CC2D1B: variants seen among roughly 807,000 people sequenced by gnomAD.
The protein encoded by CC2D1B is coiled-coil and C2 domain containing 1B.
In CC2D1B, 92 loss-of-function variants were observed where a neutral mutation model predicts 110.8. That is an observed-to-expected ratio of 0.83 (90% CI 0.70 to 0.99). The LOEUF (loss-of-function observed/expected upper bound fraction) is 0.99, where lower values mean the gene tolerates loss of function less well. Ranked by LOEUF, CC2D1B falls within the 50% of genes least tolerant of loss-of-function variation. CC2D1B has a pLI of 0.00. For synonymous variants in CC2D1B, 406 were observed against 429.2 expected (o/e 0.95, Z 0.67); for missense variants, 1,136 against 1,089.0 (o/e 1.04, Z -0.61).
intron 20 of CC2D1B, 24 bp downstream of exon 20, chr1:52,355,584 A>G: frequency 6.2e-7 from 1 of 1,613,892 alleles, no homozygotes; most frequent in Non-Finnish European, 8.5e-7. Context: ...GTTTCAGAGG[A>G]TCCTACTTCT....
chr1:52,354,450 T>C (rs773817214), intron 23 of CC2D1B, 158 bp downstream of exon 23: 20 of 749,640 alleles, frequency 2.7e-5, no homozygotes, highest in South Asian at 1.3e-4. Flanking sequence ...TCTGAACCTC[T>C]CCATCTGTGA....
intron 13 of CC2D1B, 102 bp downstream of exon 13, chr1:52,358,229 A>G: frequency 4.7e-6 from 7 of 1,476,140 alleles, no homozygotes; most frequent in Non-Finnish European, 6.4e-6. Context: ...GGAGGAAAGA[A>G]TATGTACCTT....
intron 10 of CC2D1B, 44 bp from the exon 11 acceptor site, chr1:52,359,201 C>T (rs375492010): frequency 7.5e-6 from 12 of 1,610,274 alleles, no homozygotes; most frequent in Middle Eastern, 1.6e-4. Flanking sequence ...TCAGCCTGCC[C>T]TCCAATGCCT....
rs769012646 is a variant in CC2D1B at position 52,353,624 on chromosome 1, G to A, written c.2454C>T (p.Thr818=). 27 of 1,607,482 alleles carry A rather than the reference G, an allele frequency of 1.7e-5. No homozygotes were observed. Among genetic ancestry groups the A allele is most frequent in the Middle Eastern group, 3.3e-4 (2 of 6,072 alleles). The change falls in exon 24 of 25, where the codon ACC becomes ACT. Residue 818 remains threonine, a synonymous_variant. Coordinates refer to ENST00000284376, the MANE Select transcript of CC2D1B (RefSeq NM_001330585.2). ...IVEVLDGRKP[T]GGKLEVKVRL... is the part of the protein sequence containing the mutation. ...TCACCTTCACCTCCAGCTTCCCCCC[G>A]GTGGGCTTCCTTCCATCCAGGACCT... is the stretch of plus-strand genomic sequence containing the variant.
rs752336087 is a variant in CC2D1B, at chr1:52,353,355, T to TTCTAC, written c.*2-137_*2-133dup. On this transcript the variant is annotated intron_variant, in intron 24 of 24. Transcript: ENST00000284376. The stretch of plus-strand genomic sequence containing the variant: ...TTGGAAGGTTACCTTCTCTTCCCAG[T>TTCTAC]TCTACTGAGGAACATCAGAAACTCA... 3.9e-4 allele frequency: 582 copies of TTCTAC among 1,502,262 alleles called. 1 individual carries two copies. The highest frequency in any genetic ancestry group is 4.3e-4 in the Non-Finnish European group (482 of 1,127,684). 93.1% of individuals were successfully genotyped at this position (1,502,262 alleles called of 1,614,324 possible).
rs1293175975 is a variant in CC2D1B, at chr1:52,353,184, AC to A, written c.*40del. 5.7e-5 allele frequency: 76 copies of A among 1,326,732 alleles called. No homozygotes were observed. Among genetic ancestry groups the A allele is most frequent in the Non-Finnish European group, 7.3e-5 (73 of 1,004,258 alleles). 82.2% of individuals were successfully genotyped at this position (1,326,732 alleles called of 1,614,324 possible). A position where few individuals can be genotyped will look rare whatever the true frequency, so the allele number is the denominator to read the frequency against. On this transcript the variant is annotated 3_prime_UTR_variant, in exon 25 of 25. Coordinates refer to ENST00000284376, the MANE Select transcript of CC2D1B (RefSeq NM_001330585.2). Reference sequence around the variant, plus strand: ...CAAAGCTGGGAAAGTCATCTCCTGCACAGTCGCGGCCTGACTCCTCTCCTGG... The same window carrying A: ...CAAAGCTGGGAAAGTCATCTCCTGCAAGTCGCGGCCTGACTCCTCTCCTGG...
rs891906139 is a variant in CC2D1B at position 52,352,480 on chromosome 1, A to G, written c.*745T>C. ...TGGTGGATACTCTGTATAGTTGAGTATAAAATCCCTACAATGAGTTAGACT... is the reference window on the plus strand; with the variant it reads ...TGGTGGATACTCTGTATAGTTGAGTGTAAAATCCCTACAATGAGTTAGACT... On this transcript the variant is annotated 3_prime_UTR_variant, in exon 25 of 25. Transcript: ENST00000284376. 2 of 152,656 alleles carry G rather than the reference A, an allele frequency of 1.3e-5. No homozygotes were observed. Among genetic ancestry groups the G allele is most frequent in the African/African-American group, 4.8e-5 (2 of 41,462 alleles). 9.5% of individuals were successfully genotyped at this position (152,656 alleles called of 1,614,324 possible).
chr1:52,360,811 G>A (rs1039638668), intron 5 of CC2D1B, 163 bp downstream of exon 5: 7 of 980,526 alleles, frequency 7.1e-6, no homozygotes, highest in Non-Finnish European at 1.1e-5. Flanking sequence ...GAGGCTGGCT[G>A]CCACGGAGGA....
At chr1:52,356,891 T>C in intron 16 of CC2D1B, 110 bp downstream of exon 16, 1 of 1,284,008 alleles carries the variant, frequency 7.8e-7, no homozygotes, top group Non-Finnish European at 1.1e-6. Context: ...AGTGAGTAAG[T>C]GGAAGAGCTG....
At chr1:52,358,042 G>T in intron 13 of CC2D1B, 144 bp from the exon 14 acceptor site, 1 of 1,265,704 alleles carries the variant, frequency 7.9e-7, no homozygotes, top group Non-Finnish European at 1.1e-6. Flanking sequence ...GGTCCTAAAA[G>T]ATCTGAGAGC....
intron 15 of CC2D1B, 133 bp from the exon 16 acceptor site, chr1:52,357,259 C>T: frequency 9.1e-7 from 1 of 1,095,584 alleles, no homozygotes; most frequent in Non-Finnish European, 1.3e-6. Flanking sequence ...TCATCGCCTC[C>T]CATTCTATCC....
Position 52,361,091 on chromosome 1 carries a change from C to G in CC2D1B, c.360G>C (p.Glu120Asp), listed in dbSNP as rs1432430659. The G allele has an allele frequency of 6.2e-7, 1 of 1,614,084 alleles. No individual in the cohort carries two copies. The highest frequency in any genetic ancestry group is 1.7e-5 in the Admixed American group (1 of 60,014). Reference sequence around the variant, plus strand: ...CAGCTACCTCATCACCATCCAGGGGCTCAGTCTCCTCGTCCACACCTAAGA... The same window carrying G: ...CAGCTACCTCATCACCATCCAGGGGGTCAGTCTCCTCGTCCACACCTAAGA... ...QEVLGVDEET[E>D]PLDGDEVADP... The change falls in exon 5 of 25, where the codon GAG becomes GAC. Residue 120 changes from glutamate to aspartate, a missense_variant. Physicochemically the swap from Glu to Asp is conservative, Grantham distance 45 (BLOSUM62 2). Coordinates refer to ENST00000284376, the MANE Select transcript of CC2D1B (RefSeq NM_001330585.2).
chr1:52,355,064 C>CA, intron 21 of CC2D1B, 125 bp from the exon 22 acceptor site: 1 of 774,806 alleles, frequency 1.3e-6, no homozygotes, highest in Non-Finnish European at 2.2e-6. Flanking sequence ...GTACTGCCTC[C>CA]AAAGGGTGGT....
chr1:52,357,534 G>T lies in CC2D1B; in HGVS notation c.1744C>A (p.Leu582Met), dbSNP rs113674235. Residue 582 changes from leucine (L) to methionine (M), a missense_variant, in exon 15 of 25, where the codon CTG (leucine) becomes ATG (methionine). By Grantham distance (15) the Leu-to-Met change is conservative. Coordinates refer to ENST00000284376, the MANE Select transcript of CC2D1B (RefSeq NM_001330585.2). ...AACCAGGTGGGACTCACCTTGGACA[G>T]ATCAACAGGTCTGCCAGATCGGGCC... Reference protein sequence around the residue: ...IQARSGRPVDLSKVPSPLTDE... With the variant: ...IQARSGRPVDMSKVPSPLTDE... 13 of 1,576,288 alleles carry T rather than the reference G, an allele frequency of 8.2e-6. No individual in the cohort carries two copies. Among genetic ancestry groups the T allele is most frequent in the African/African-American group, 6.7e-5 (5 of 74,082 alleles).
At chr1:52,359,943 G>A (rs41294504) in intron 7 of CC2D1B, 60 bp from the exon 8 acceptor site, 5 of 1,569,250 alleles carry the variant, frequency 3.2e-6, no homozygotes, top group African/African-American at 1.3e-5. Context: ...AGGTGCCCAC[G>A]GACTTCACTG....
At position 52,356,389 on chromosome 1, in the gene CC2D1B, G is replaced by A; in HGVS notation, c.1932C>T (p.Thr644=). The A allele has an allele frequency of 6.2e-7, 1 of 1,614,182 alleles. No individual in the cohort carries two copies. Among genetic ancestry groups the A allele is most frequent in the Admixed American group, 1.7e-5 (1 of 60,026 alleles). ...GCCCCAGCCCTTGCACTTACCGGGT[G>A]GTCTCAGCCACGTTGCCCTGGTGCA... The part of the protein sequence containing the change: ...QFMHQGNVAE[T]TRFEKLAQDR... Residue 644 remains threonine (T), a synonymous_variant, in exon 17 of 25, where the codon ACC becomes ACT. Transcript: ENST00000284376.
At position 52,361,015 on chromosome 1, in the gene CC2D1B, C is replaced by A. The variant is rs1388334707; in HGVS notation, c.436G>T (p.Val146Leu). The change falls in exon 5 of 25, where the codon GTG becomes TTG. Residue 146 changes from valine (V) to leucine (L), a missense_variant. Val to Leu is a conservative substitution (Grantham distance 32). Coordinates refer to ENST00000284376, the MANE Select transcript of CC2D1B (RefSeq NM_001330585.2). ...GAAGCTGTCAGGACGGCTGTCTGCA[C>A]TGGAGGTTCAGTGTCTTCTAGGCCG... is the stretch of plus-strand genomic sequence containing the variant. Reference protein sequence around the residue: ...ENGLEDTEPPVQTAVLTASAP... With the variant: ...ENGLEDTEPPLQTAVLTASAP... The A allele has an allele frequency of 1.2e-6, 2 of 1,614,066 alleles. No homozygotes were observed. The highest frequency in any genetic ancestry group is 1.7e-6 in the Non-Finnish European group (2 of 1,180,030).
At chr1:52,362,868 T>A (rs1646812425) in intron 2 of CC2D1B, 122 bp from the exon 3 acceptor site, 6 of 983,638 alleles carry the variant, frequency 6.1e-6, no homozygotes, top group Non-Finnish European at 9.0e-6. Context: ...AGGCCCAATG[T>A]GCAGAAAGAA....
rs745848308 is a variant in CC2D1B at position 52,356,448 on chromosome 1, A to G, written c.1879-6T>C. On this transcript the variant is annotated splice_region_variant and splice_polypyrimidine_tract_variant and intron_variant, in intron 16 of 24. Transcript: ENST00000284376. ...TTGGAGAACAGCAGGCACTTCTGAA[A>G]ATAGAGGCCCAGAGTGACTCCCGAG... 6.2e-6 allele frequency: 10 copies of G among 1,614,068 alleles called. No homozygotes were observed. The highest frequency in any genetic ancestry group is 8.5e-6 in the Non-Finnish European group (10 of 1,180,040).
Sources: allele counts gnomAD v4.1 joint callset, GRCh38; gene constraint gnomAD v4.1.1; transcripts MANE v1.5; gene names NCBI Gene and HGNC (gene_info 2026-07-23, HGNC 2026-07-21).